ACTG2: variants seen among roughly 807,000 people sequenced by gnomAD.
ACTG2 encodes the protein actin, gamma-enteric smooth muscle.
A neutral mutation model predicts 37.6 loss-of-function variants in ACTG2; 16 were observed. The ratio of observed to expected loss-of-function variants is 0.43; its 90% CI spans 0.29 to 0.65. The LOEUF (loss-of-function observed/expected upper bound fraction) is 0.65, where lower values mean the gene tolerates loss of function less well. ACTG2 is among the 30% of genes least tolerant of loss of function. The pLI is 0.18. For missense variants in ACTG2, 238 were observed against 490.9 expected, an observed-to-expected ratio of 0.48 and a Z score of 4.87; for synonymous variants, 181 against 179.9, an observed-to-expected ratio of 1.01 and a Z score of -0.05.
intron 6 of ACTG2, among the ~76,000 whole-genome samples, 156 bp from the exon 7 acceptor site, chr2:73,914,524 A>C (rs1470603959): frequency 6.7e-6 from 1 of 150,042 alleles, no homozygotes; most frequent in Non-Finnish European, 1.5e-5. Context: ...GCACCACTGC[A>C]CTTCAGTCTG....
At chr2:73,913,806 C>G (rs565296271) in intron 6 of ACTG2, among the ~76,000 whole-genome samples, 160 bp downstream of exon 6, 1 of 152,290 alleles carries the variant, frequency 6.6e-6, no homozygotes, top group African/African-American at 2.4e-5. Context: ...TGGATAAGAC[C>G]AGATAGTCAT....
At chr2:73,894,639 G>T (rs893037789) in intron 1 of ACTG2, among the ~76,000 whole-genome samples, 6 of 151,830 alleles carry the variant, frequency 4.0e-5, no homozygotes, top group Non-Finnish European at 7.4e-5. Context: ...AGGGGTAAAG[G>T]CCAGGAGGAG....
At position 73,916,593 on chromosome 2, in the gene ACTG2, C is replaced by G. The variant is rs370230659; in HGVS notation, c.815C>G (p.Ser272Cys). 2.5e-5 allele frequency: 40 copies of G among 1,612,796 alleles called. No homozygotes were observed. Among genetic ancestry groups the G allele is most frequent in the Non-Finnish European group, 3.3e-5 (39 of 1,179,364 alleles). Reference protein sequence around the residue: ...LFQPSFIGMESAGIHETTYNS... With the variant: ...LFQPSFIGMECAGIHETTYNS... ...CTGTGATCTCCACTAGGCATGGAGTCCGCTGGAATTCATGAGACAACCTAC... is the reference window on the plus strand; with the variant it reads ...CTGTGATCTCCACTAGGCATGGAGTGCGCTGGAATTCATGAGACAACCTAC... The change falls in exon 8 of 9, where the codon TCC becomes TGC. Residue 272 changes from serine (S) to cysteine (C), a missense_variant. Transcript: ENST00000345517.
Position 73,919,586 on chromosome 2 carries a change from G to A in ACTG2, c.*11G>A, listed in dbSNP as rs1680336929. The A allele has an allele frequency of 3.7e-6, 6 of 1,613,008 alleles. No individual in the cohort carries two copies. The highest frequency in any genetic ancestry group is 5.1e-6 in the Non-Finnish European group (6 of 1,179,504). ...AGGAAGTGCTTCTAAAGTCAGAACAGGTTCTCCAAGGATCCCCTCGAGACT... is the reference window on the plus strand; with the variant it reads ...AGGAAGTGCTTCTAAAGTCAGAACAAGTTCTCCAAGGATCCCCTCGAGACT... On this transcript the variant is annotated 3_prime_UTR_variant, in exon 9 of 9. Transcript: ENST00000345517.
chr2:73,909,182 G>C, intron 5 of ACTG2, 43 bp downstream of exon 5: 7 of 1,563,042 alleles, frequency 4.5e-6, no homozygotes, highest in Non-Finnish European at 6.2e-6. Context: ...CTTCAGGGGA[G>C]GTAGGGAAAA....
chr2:73,903,913 G>GCC (rs1432156558), intron 3 of ACTG2, among the ~76,000 whole-genome samples: 2 of 130,750 alleles, frequency 1.5e-5, no homozygotes, highest in Admixed American at 9.2e-5. Flanking sequence ...GCACTCCACT[G>GCC]TGGGTGACAG....
At chr2:73,907,816 G>T (rs1680045565) in intron 3 of ACTG2, among the ~76,000 whole-genome samples, 1 of 152,134 alleles carries the variant, frequency 6.6e-6, no homozygotes, top group Admixed American at 6.5e-5. Flanking sequence ...GGAGACCAGG[G>T]ATACTGGTCG....
intron 3 of ACTG2, among the ~76,000 whole-genome samples, chr2:73,903,939 C>CAAAAA (rs61362643): frequency 3.3e-5 from 3 of 90,010 alleles, no homozygotes; most frequent in African/African-American, 8.5e-5. Context: ...GACTCCGTCT[C>CAAAAA]AAAAAAAAAA....
chr2:73,897,826 C>T (rs1258098510), intron 1 of ACTG2, among the ~76,000 whole-genome samples: 1 of 152,188 alleles, frequency 6.6e-6, no homozygotes, highest in Non-Finnish European at 1.5e-5. Flanking sequence ...TGCACCGTTA[C>T]ATGGCAGAAG....
At chr2:73,902,550 T>C (rs762138136) in intron 3 of ACTG2, 62 bp downstream of exon 3, 13 of 1,601,850 alleles carry the variant, frequency 8.1e-6, no homozygotes, top group African/African-American at 1.3e-5. Flanking sequence ...ATGACCCTCG[T>C]ATTCATAGGC....
intron 8 of ACTG2, among the ~76,000 whole-genome samples, chr2:73,917,917 C>T (rs957188856): frequency 2.0e-5 from 3 of 152,196 alleles, no homozygotes; most frequent in Non-Finnish European, 4.4e-5. Context: ...CCTAGCCTCA[C>T]TCCCAGATTC....
chr2:73,894,707 G>T (rs1444582474), intron 1 of ACTG2, among the ~76,000 whole-genome samples: 1 of 66,090 alleles, frequency 1.5e-5, no homozygotes, highest in Non-Finnish European at 2.8e-5. Flanking sequence ...AGGTGCCTGA[G>T]CTTGGTCCTG....
intron 2 of ACTG2, 149 bp downstream of exon 2, chr2:73,901,586 G>GT: frequency 1.7e-5 from 3 of 174,176 alleles, no homozygotes; most frequent in Admixed American, 3.4e-4. Flanking sequence ...GTGTGTCTGT[G>GT]CGTGTGTGTG....
At chr2:73,897,693 T>C (rs1176646796) in intron 1 of ACTG2, among the ~76,000 whole-genome samples, 1 of 152,214 alleles carries the variant, frequency 6.6e-6, no homozygotes, top group Non-Finnish European at 1.5e-5. Flanking sequence ...GGGTTATTTA[T>C]AAACAATGGA....
rs1680063506 is a variant in ACTG2 at position 73,908,609 on chromosome 2, T to C, written c.256-64T>C. ...GTGCCACACTCTCCCAGCATGGGAA[T>C]GTCAATGAGAATTTTCCAGCCATTG... On this transcript the variant is annotated intron_variant, in intron 3 of 8. Coordinates refer to ENST00000345517, the MANE Select transcript of ACTG2 (RefSeq NM_001615.4). 5.2e-6 allele frequency: 7 copies of C among 1,351,632 alleles called. No homozygotes were observed. In the South Asian group the frequency reaches 9.2e-5, roughly 18 times the overall value. 83.7% of individuals were successfully genotyped at this position (1,351,632 alleles called of 1,614,324 possible).
At chr2:73,918,548 G>T (rs1680318373) in intron 8 of ACTG2, among the ~76,000 whole-genome samples, 1 of 152,160 alleles carries the variant, frequency 6.6e-6, no homozygotes, top group Admixed American at 6.5e-5. Flanking sequence ...TATCTGGTTT[G>T]CTCTAGCACT....
intron 6 of ACTG2, among the ~76,000 whole-genome samples, 187 bp from the exon 7 acceptor site, chr2:73,914,493 A>G (rs1200919014): frequency 4.7e-5 from 7 of 147,862 alleles, no homozygotes; most frequent in African/African-American, 1.7e-4. Context: ...CAGGAGGTAG[A>G]GGTTGCAGTG....
intron 3 of ACTG2, among the ~76,000 whole-genome samples, chr2:73,905,849 C>A: frequency 6.6e-6 from 1 of 151,440 alleles, no homozygotes; most frequent in South Asian, 2.1e-4. Context: ...TTATTTATAA[C>A]CAAAAATCAA....
At chr2:73,909,580 C>T (rs1465269373) in intron 5 of ACTG2, among the ~76,000 whole-genome samples, 2 of 152,168 alleles carry the variant, frequency 1.3e-5, no homozygotes, top group African/African-American at 4.8e-5. Context: ...ACGCTGTAGC[C>T]TACTACATGC....
Sources: gnomAD v4.1 joint callset for allele counts (sites outside exome capture counted in the v4.1 genomes callset) on GRCh38, gnomAD v4.1.1 for gene constraint, MANE v1.5 for transcripts, NCBI Gene and HGNC (gene_info 2026-07-23, HGNC 2026-07-21) for gene names.